The following SVIL variants were observed in gnomAD, a reference collection of about 807,000 sequenced individuals.
The protein encoded by SVIL is supervillin, also known as archvillin.
A neutral mutation model predicts 240.4 loss-of-function variants in SVIL; 101 were observed. That is an observed-to-expected ratio of 0.42 (90% CI 0.36 to 0.50). SVIL has a LOEUF of 0.50. SVIL is among the 20% of genes least tolerant of loss of function. The pLI is 0.01. For synonymous variants in SVIL, 999 were observed against 1,100.0 expected (o/e 0.91, Z 1.82); for missense variants, 2,512 against 2,818.7 (o/e 0.89, Z 2.46).
In SVIL at chr10:29,523,997, G is replaced by A. The variant is rs1430207056; in HGVS notation, c.2617C>T (p.Pro873Ser). The A allele has an allele frequency of 6.2e-7, 1 of 1,613,464 alleles. No individual in the cohort carries two copies. The highest frequency in any genetic ancestry group is 8.5e-7 in the Non-Finnish European group (1 of 1,179,676). Reference protein sequence around the residue: ...VQSGKLIPFSPAVNTSVSTVA... With the variant: ...VQSGKLIPFSSAVNTSVSTVA... ...GTAGACACTGATGTGTTCACGGCAG[G>A]TGAGAAAGGAATGAGCTTTCCACTC... Residue 873 changes from proline (P) to serine (S), a missense_variant, in exon 15 of 38, where the codon CCT (proline) becomes TCT (serine). Pro to Ser is a moderately conservative substitution (Grantham distance 74). Coordinates refer to ENST00000355867, the MANE Select transcript of SVIL (RefSeq NM_021738.3).
At chr10:29,655,064 T>A (rs548357500) in intron 3 of SVIL, among the ~76,000 whole-genome samples, 43 of 152,114 alleles carry the variant, frequency 2.8e-4, no homozygotes, top group Non-Finnish European at 5.7e-4. Context: ...TTATTAGCTA[T>A]CTAGGTGTTT....
At chr10:29,622,086 T>C (rs998001825) in intron 1 of SVIL, among the ~76,000 whole-genome samples, 18 of 150,250 alleles carry the variant, frequency 1.2e-4, no homozygotes, top group African/African-American at 3.7e-4. Flanking sequence ...CCGTCTCTAC[T>C]AAAAATACAA....
At chr10:29,555,565 G>A (rs61623705) in intron 3 of SVIL, among the ~76,000 whole-genome samples, 8,234 of 152,182 alleles carry the variant, frequency 0.054, 277 homozygotes, top group Admixed American at 0.12. Flanking sequence ...TGTGACTCAC[G>A]TATATGTCAC....
intron 17 of SVIL, among the ~76,000 whole-genome samples, chr10:29,502,902 C>T (rs969264654): frequency 2.0e-5 from 3 of 152,078 alleles, no homozygotes; most frequent in South Asian, 2.1e-4. Context: ...ATGTTTCTCA[C>T]GCAGGGATGT....
intron 1 of SVIL, among the ~76,000 whole-genome samples, chr10:29,627,926 T>A (rs1170950221): frequency 6.6e-6 from 1 of 152,234 alleles, no homozygotes; most frequent in Admixed American, 6.5e-5. Flanking sequence ...AAATTAAGAC[T>A]ATCAGCACAA....
chr10:29,589,552 T>A (rs1399749250), intron 1 of SVIL, among the ~76,000 whole-genome samples: 1 of 152,192 alleles, frequency 6.6e-6, no homozygotes, highest in Non-Finnish European at 1.5e-5. Flanking sequence ...CACCACCGTA[T>A]TCCCCCTTTC....
chr10:29,556,199 T>C (rs1167314034), intron 3 of SVIL, among the ~76,000 whole-genome samples: 3 of 152,190 alleles, frequency 2.0e-5, no homozygotes, highest in Non-Finnish European at 4.4e-5. Context: ...TCTCTCTTTT[T>C]GCCTCCTCCT....
chr10:29,541,749 G>A (rs1247646514), intron 6 of SVIL, among the ~76,000 whole-genome samples: 3 of 152,070 alleles, frequency 2.0e-5, no homozygotes, highest in Admixed American at 6.6e-5. Context: ...TAAGGTAATC[G>A]GGGACTTGAC....
At chr10:29,612,350 T>C (rs1341933692) in intron 1 of SVIL, among the ~76,000 whole-genome samples, 1 of 152,222 alleles carries the variant, frequency 6.6e-6, no homozygotes, top group Non-Finnish European at 1.5e-5. Context: ...TCTAGCTTCT[T>C]GTGTATTGGT....
intron 1 of SVIL, among the ~76,000 whole-genome samples, chr10:29,709,086 A>G (rs975084476): frequency 7.9e-5 from 12 of 152,236 alleles, no homozygotes; most frequent in African/African-American, 2.9e-4. Context: ...TCAGAGTTCT[A>G]AAAACCACAG....
intron 17 of SVIL, among the ~76,000 whole-genome samples, chr10:29,500,857 C>A (rs1948832435): frequency 6.6e-6 from 1 of 152,064 alleles, no homozygotes; most frequent in Non-Finnish European, 1.5e-5. Context: ...CACTGACCCA[C>A]GAGAGAGAAC....
chr10:29,522,428 G>A lies in SVIL; in HGVS notation c.3371C>T (p.Thr1124Ile). The change falls in exon 16 of 38, where the codon ACC becomes ATC. Residue 1124 changes from threonine (T) to isoleucine (I), a missense_variant. Transcript: ENST00000355867. ...TCATTACCTTTCTTTAATAGACATG[G>A]TTTTGCTGGGTGAGTCAAGAAGGCC... is the stretch of plus-strand genomic sequence containing the variant. ...GEGLLDSPSK[T>I]MSIKERLALL... 1 of 1,614,060 alleles carries A rather than the reference G, an allele frequency of 6.2e-7. No individual in the cohort carries two copies. The highest frequency in any genetic ancestry group is 1.3e-5 in the African/African-American group (1 of 74,994).
At chr10:29,569,752 G>C (rs1955289658) in intron 1 of SVIL, among the ~76,000 whole-genome samples, 1 of 152,146 alleles carries the variant, frequency 6.6e-6, no homozygotes, top group African/African-American at 2.4e-5. Context: ...GAATGGGGGT[G>C]GGGTCTGAAG....
At chr10:29,554,175 G>A (rs978370207) in intron 5 of SVIL, among the ~76,000 whole-genome samples, 1 of 152,114 alleles carries the variant, frequency 6.6e-6, no homozygotes, top group South Asian at 2.1e-4. Flanking sequence ...GCCAGGCATG[G>A]TGGCACGCGC....
intron 1 of SVIL, among the ~76,000 whole-genome samples, chr10:29,576,952 C>A (rs1309076413): frequency 6.6e-6 from 1 of 152,198 alleles, no homozygotes. Context: ...GCGAGCTAGG[C>A]TCACTGCAAC....
Position 29,484,113 on chromosome 10 carries a change from A to C in SVIL, c.4955+543T>G, listed in dbSNP as rs569920210. On this transcript the variant is annotated intron_variant, in intron 27 of 37. Transcript: ENST00000355867. This position sits in a 1 kb window ranked among gnomAD's most constrained non-coding sequence, Gnocchi z 4.7. ...AAAATGACTTTAAAGAGTCTAGTAC[A>C]TGCAGGGAATATTACAATTGCAATC... 6.5e-4 allele frequency among the ~76,000 whole-genome samples: 99 copies of C among 152,362 alleles called. No homozygotes were observed. The highest frequency in any genetic ancestry group is 1.9e-3 in the African/African-American group (79 of 41,582).
chr10:29,467,963 A>C, intron 32 of SVIL, 88 bp from the exon 33 acceptor site: 1 of 1,383,156 alleles, frequency 7.2e-7, no homozygotes, highest in Non-Finnish European at 1.0e-6. Flanking sequence ...TAACAGCTTT[A>C]TAATAGCTTT....
chr10:29,481,154 G>GTGTC (rs1314022237), intron 28 of SVIL, among the ~76,000 whole-genome samples: 1 of 150,442 alleles, frequency 6.6e-6, no homozygotes, highest in Non-Finnish European at 1.5e-5. Context: ...GTGTGTGTGT[G>GTGTC]TGTGTGTGTG....
intron 1 of SVIL, among the ~76,000 whole-genome samples, chr10:29,579,260 A>AC (rs951444418): frequency 1.3e-5 from 2 of 150,986 alleles, no homozygotes; most frequent in Admixed American, 1.3e-4. Flanking sequence ...ACGCGGTGAA[A>AC]CCCCCTCTCT....
Sources: gnomAD v4.1 joint callset for allele counts (sites outside exome capture counted in the v4.1 genomes callset) on GRCh38, gnomAD v4.1.1 for gene constraint, Gnocchi (gnomAD v3.1) non-coding constraint, MANE v1.5 for transcripts, NCBI Gene and HGNC (gene_info 2026-07-23, HGNC 2026-07-21) for gene names.